The following GRID2 variants were observed in gnomAD, a reference collection of about 807,000 sequenced individuals.
The protein encoded by GRID2 is glutamate ionotropic receptor delta type subunit 2.
A neutral mutation model predicts 114.8 loss-of-function variants in GRID2; 33 were observed. The ratio of observed to expected loss-of-function variants is 0.29; its 90% CI spans 0.22 to 0.38. The LOEUF is 0.38. Among genes scored for constraint, GRID2 ranks in the 10% least tolerant of loss-of-function variants. GRID2 has a pLI of 1.00. For synonymous variants in GRID2, 505 were observed against 449.9 expected (o/e 1.12, Z -1.55); for missense variants, 1,184 against 1,257.7 (o/e 0.94, Z 0.89).
At chr4:93,650,162 C>T (rs905243432) in intron 14 of GRID2, among the ~76,000 whole-genome samples, 1 of 152,188 alleles carries the variant, frequency 6.6e-6, no homozygotes, top group African/African-American at 2.4e-5. Context: ...TGAAATCCAG[C>T]CACCTTTATT....
At chr4:92,792,680 ATAGATT>A (rs1479930459) in intron 2 of GRID2, among the ~76,000 whole-genome samples, 1 of 151,878 alleles carries the variant, frequency 6.6e-6, no homozygotes, top group African/African-American at 2.4e-5. Context: ...TTGTGATACT[ATAGATT>A]TATAGAGCAT....
At chr4:93,556,672 C>T (rs980695314) in intron 13 of GRID2, among the ~76,000 whole-genome samples, 4 of 152,180 alleles carry the variant, frequency 2.6e-5, no homozygotes, top group African/African-American at 9.7e-5. Context: ...TTGAAAAACA[C>T]TCTTTAGGAT....
At chr4:93,348,341 GTA>G (rs1399986858) in intron 8 of GRID2, among the ~76,000 whole-genome samples, 9 of 152,124 alleles carry the variant, frequency 5.9e-5, no homozygotes, top group African/African-American at 2.2e-4. Flanking sequence ...ACATAGCAAT[GTA>G]TATTTGAACC....
intron 3 of GRID2, among the ~76,000 whole-genome samples, chr4:93,090,850 A>G (rs1248026795): frequency 6.6e-6 from 1 of 152,122 alleles, no homozygotes. Flanking sequence ...TGGAAGACAA[A>G]CAAATATTAC....
chr4:93,763,724 G>A (rs961520771), intron 14 of GRID2, among the ~76,000 whole-genome samples: 9 of 152,148 alleles, frequency 5.9e-5, no homozygotes, highest in African/African-American at 2.2e-4. Context: ...GAAAAATCTA[G>A]GGAATCATTA....
chr4:92,907,052 T>C (rs1434815995), intron 2 of GRID2, among the ~76,000 whole-genome samples: 2 of 152,196 alleles, frequency 1.3e-5, no homozygotes, highest in African/African-American at 2.4e-5. Flanking sequence ...GTTTGCTCCA[T>C]AAGAATACAA....
chr4:92,615,608 T>G (rs1579690182), intron 2 of GRID2, among the ~76,000 whole-genome samples: 1 of 151,780 alleles, frequency 6.6e-6, no homozygotes, highest in South Asian at 2.1e-4. Flanking sequence ...TTAAATTATT[T>G]ATATTATTGT....
intron 2 of GRID2, among the ~76,000 whole-genome samples, chr4:92,815,645 G>A (rs565376850): frequency 2.6e-5 from 4 of 152,066 alleles, no homozygotes; most frequent in South Asian, 4.1e-4. Flanking sequence ...GGGTGTAGTG[G>A]CTCATACCTG....
At chr4:93,145,072 T>G (rs1231312351) in intron 4 of GRID2, among the ~76,000 whole-genome samples, 2 of 152,198 alleles carry the variant, frequency 1.3e-5, no homozygotes, top group African/African-American at 4.8e-5. Context: ...GAATGCTTTT[T>G]ATTTTAGTTT....
At chr4:93,169,573 A>G (rs1352958414) in intron 4 of GRID2, among the ~76,000 whole-genome samples, 2 of 152,228 alleles carry the variant, frequency 1.3e-5, no homozygotes, top group Admixed American at 1.3e-4. Context: ...GTCAAATATT[A>G]TAAAGGGCAA....
At chr4:93,564,283 C>T (rs1056034915) in intron 13 of GRID2, among the ~76,000 whole-genome samples, 22 of 151,756 alleles carry the variant, frequency 1.4e-4, no homozygotes, top group African/African-American at 5.3e-4. Context: ...GTGCAATCTG[C>T]CTAATGGATG....
At chr4:93,746,083 G>A (rs1731819196) in intron 14 of GRID2, among the ~76,000 whole-genome samples, 1 of 152,082 alleles carries the variant, frequency 6.6e-6, no homozygotes, top group Non-Finnish European at 1.5e-5. Context: ...CCTTGTAAGT[G>A]TATAGGTCTT....
chr4:92,623,526 A>G lies in GRID2; in HGVS notation c.244+33240A>G, dbSNP rs193241307. On this transcript the variant is annotated intron_variant, in intron 2 of 15. Transcript: ENST00000282020. Reference sequence around the variant, plus strand: ...AAGTTCTGAAAATATGAAGTTCTCCATCTGTGATCATGTGTGCAATAAGAA... The same window carrying G: ...AAGTTCTGAAAATATGAAGTTCTCCGTCTGTGATCATGTGTGCAATAAGAA... Among the ~76,000 whole-genome samples, 480 of 151,920 alleles carry G rather than the reference A, an allele frequency of 3.2e-3. 2 individuals are homozygous for G. The highest frequency in any genetic ancestry group is 0.011 in the African/African-American group (463 of 41,532).
intron 8 of GRID2, among the ~76,000 whole-genome samples, chr4:93,289,620 G>A (rs1753529995): frequency 6.6e-6 from 1 of 152,146 alleles, no homozygotes; most frequent in East Asian, 1.9e-4. Context: ...ATATACATAT[G>A]TAGGTTGTTT....
At chr4:93,389,677 T>A (rs1197651457) in intron 8 of GRID2, among the ~76,000 whole-genome samples, 6 of 152,110 alleles carry the variant, frequency 3.9e-5, no homozygotes, top group African/African-American at 1.4e-4. Flanking sequence ...TGAGACAATA[T>A]CCCTAGTTAG....
chr4:92,711,110 T>C (rs1317158771), intron 2 of GRID2, among the ~76,000 whole-genome samples: 1 of 152,182 alleles, frequency 6.6e-6, no homozygotes, highest in African/African-American at 2.4e-5. Flanking sequence ...TAACTTATAC[T>C]TTGTACTATT....
chr4:92,716,187 T>C (rs1157362509), intron 2 of GRID2, among the ~76,000 whole-genome samples: 2 of 152,162 alleles, frequency 1.3e-5, no homozygotes, highest in Non-Finnish European at 2.9e-5. Context: ...CTTTCACGAG[T>C]CAAAATTCCA....
chr4:92,803,517 G>A (rs1740271283), intron 2 of GRID2, among the ~76,000 whole-genome samples: 1 of 151,884 alleles, frequency 6.6e-6, no homozygotes, highest in Non-Finnish European at 1.5e-5. Context: ...TAGCCCATAT[G>A]TCATTATAAA....
intron 11 of GRID2, among the ~76,000 whole-genome samples, chr4:93,486,406 G>A (rs1207416226): frequency 2.0e-5 from 3 of 151,488 alleles, no homozygotes; most frequent in Admixed American, 6.6e-5. Context: ...AGAAATGTTA[G>A]CAATTTGTGT....
Sources: allele counts gnomAD v4.1 joint callset (sites outside exome capture counted in the v4.1 genomes callset), GRCh38; gene constraint gnomAD v4.1.1; transcripts MANE v1.5; gene names NCBI Gene and HGNC (gene_info 2026-07-23, HGNC 2026-07-21).